Variants in KHDRBS2 observed in about 807,000 individuals in gnomAD.
KHDRBS2 encodes the protein KH domain-containing, RNA-binding, signal transduction-associated protein 2.
In KHDRBS2, 26 loss-of-function variants were observed where a neutral mutation model predicts 44.3. That is an observed-to-expected ratio of 0.59 (90% confidence interval 0.43 to 0.81). The LOEUF is 0.81. KHDRBS2 is among the 40% of genes least tolerant of loss of function. The pLI is 0.00. For missense variants in KHDRBS2, 476 were observed against 433.1 expected (o/e 1.10, Z -0.88); for synonymous variants, 194 against 151.1 (o/e 1.28, Z -2.08).
the KHDRBS2 span, among the ~76,000 whole-genome samples, chr6:61,597,749 TATATATATACA>T: frequency 1.9e-5 from 1 of 53,198 alleles, no homozygotes. Context: ...TATATATATA[TATATATATACA>T]TATATATATA....
At chr6:62,269,111 C>T (rs543213131) in intron 1 of KHDRBS2, among the ~76,000 whole-genome samples, 1 of 152,026 alleles carries the variant, frequency 6.6e-6, no homozygotes, top group African/African-American at 2.4e-5. Context: ...CTAGATGGGA[C>T]ATAAACCTAT....
chr6:62,067,951 G>A (rs575001184), intron 2 of KHDRBS2, among the ~76,000 whole-genome samples: 2 of 151,554 alleles, frequency 1.3e-5, no homozygotes, highest in South Asian at 4.2e-4. Flanking sequence ...ATTTAACAGC[G>A]GACACTTGAG....
chr6:62,193,172 C>T lies in KHDRBS2; in HGVS notation c.92-15860G>A, dbSNP rs1256662593. Among the ~76,000 whole-genome samples the T allele has an allele frequency of 2.0e-5, 3 of 151,974 alleles. No individual in the cohort carries two copies. The South Asian group carries it at 6.2e-4, about 32-fold the overall frequency. On this transcript the variant is annotated intron_variant, in intron 1 of 8. Transcript: ENST00000281156. ...GTATATCTCTATATGTATAGATATA[C>T]ACAGTATACACATTTATATTTATAT... is the stretch of plus-strand genomic sequence containing the variant.
At chr6:62,085,488 G>C (rs1237404422) in intron 2 of KHDRBS2, among the ~76,000 whole-genome samples, 1 of 151,996 alleles carries the variant, frequency 6.6e-6, no homozygotes, top group Admixed American at 6.6e-5. Context: ...AAAGGAAAAG[G>C]CAACAGGAAA....
At chr6:61,833,480 A>G (rs188216360) in intron 6 of KHDRBS2, among the ~76,000 whole-genome samples, 1 of 152,262 alleles carries the variant, frequency 6.6e-6, no homozygotes, top group East Asian at 1.9e-4. Context: ...TTCAGCTTCT[A>G]TCATATATTC....
In KHDRBS2 at chr6:62,074,903, C is replaced by T. The variant is rs563156157; in HGVS notation, c.220-26909G>A. Among the ~76,000 whole-genome samples the T allele has an allele frequency of 4.6e-5, 7 of 151,958 alleles. No homozygotes were observed. The South Asian group carries it at 1.5e-3, about 32-fold the overall frequency. ...GTATTATGCAAACTATGACAATTTT[C>T]CTGTTTAATGTCCCTACAGTTTTTG... On this transcript the variant is annotated intron_variant, in intron 2 of 8. Transcript: ENST00000281156.
intron 2 of KHDRBS2, among the ~76,000 whole-genome samples, chr6:62,104,902 G>C (rs1436687925): frequency 6.6e-6 from 1 of 152,020 alleles, no homozygotes; most frequent in South Asian, 2.1e-4. Flanking sequence ...TGTGAGACTT[G>C]TAATGAAAGA....
At chr6:62,065,790 AAAAG>A (rs1444863152) in intron 2 of KHDRBS2, among the ~76,000 whole-genome samples, 3 of 152,096 alleles carry the variant, frequency 2.0e-5, no homozygotes, top group African/African-American at 4.8e-5. Context: ...TAAAAAAAAA[AAAAG>A]AATGATCCAT....
intron 2 of KHDRBS2, among the ~76,000 whole-genome samples, chr6:62,118,364 C>T (rs1033425102): frequency 6.6e-6 from 1 of 152,060 alleles, no homozygotes; most frequent in Non-Finnish European, 1.5e-5. Context: ...CTCAAGATTG[C>T]TTTGGCTATT....
chr6:62,086,012 G>A (rs1487377968), intron 2 of KHDRBS2, among the ~76,000 whole-genome samples: 1 of 152,080 alleles, frequency 6.6e-6, no homozygotes, highest in Non-Finnish European at 1.5e-5. Flanking sequence ...ATTTGCTATG[G>A]AGAATCTGAA....
intron 3 of KHDRBS2, among the ~76,000 whole-genome samples, chr6:62,013,784 T>G (rs1299827512): frequency 6.6e-6 from 1 of 152,174 alleles, no homozygotes; most frequent in Non-Finnish European, 1.5e-5. Context: ...ATTCCCACAG[T>G]ATCACCATTA....
At chr6:61,994,449 A>T (rs1584031725) in intron 3 of KHDRBS2, among the ~76,000 whole-genome samples, 1 of 152,184 alleles carries the variant, frequency 6.6e-6, no homozygotes, top group African/African-American at 2.4e-5. Context: ...TCTGCCTGAA[A>T]CATAAGGATC....
chr6:62,157,701 C>G (rs1284373595), intron 2 of KHDRBS2, among the ~76,000 whole-genome samples: 1 of 151,994 alleles, frequency 6.6e-6, no homozygotes, highest in African/African-American at 2.4e-5. Flanking sequence ...GTAGATTATT[C>G]ATTTTCCAAT....
At chr6:61,771,078 G>T (rs1188727380) in intron 6 of KHDRBS2, among the ~76,000 whole-genome samples, 1 of 152,026 alleles carries the variant, frequency 6.6e-6, no homozygotes. Flanking sequence ...TTCATATCCA[G>T]CCAAACTAAG....
the KHDRBS2 span, among the ~76,000 whole-genome samples, chr6:61,622,691 C>A: frequency 1.3e-5 from 2 of 152,046 alleles, no homozygotes; most frequent in Non-Finnish European, 2.9e-5. Context: ...CTGAGTTTCC[C>A]CGGCAGGAAG....
intron 6 of KHDRBS2, chr6:61,817,145 T>C (rs1789091559): frequency 3.1e-6 from 1 of 320,404 alleles, no homozygotes; most frequent in South Asian, 2.6e-5. Flanking sequence ...CACTGAATGA[T>C]GACTCAATTC....
At chr6:61,824,166 T>C (rs1451534244) in intron 6 of KHDRBS2, among the ~76,000 whole-genome samples, 2 of 152,122 alleles carry the variant, frequency 1.3e-5, no homozygotes, top group Admixed American at 6.6e-5. Context: ...TTATTCATCT[T>C]GTCTAGTCAA....
chr6:62,105,434 G>A (rs80119948), intron 2 of KHDRBS2, among the ~76,000 whole-genome samples: 1 of 152,078 alleles, frequency 6.6e-6, no homozygotes, highest in Non-Finnish European at 1.5e-5. Context: ...GTAAGCTATT[G>A]ATTATTGCCA....
chr6:62,043,323 T>C (rs370970006), intron 3 of KHDRBS2, among the ~76,000 whole-genome samples: 48 of 152,104 alleles, frequency 3.2e-4, no homozygotes, highest in African/African-American at 1.1e-3. Context: ...AGCAGCTTTG[T>C]GGTTGTTTAG....
Sources: allele counts gnomAD v4.1 joint callset (sites outside exome capture counted in the v4.1 genomes callset), GRCh38; gene constraint gnomAD v4.1.1; transcripts MANE v1.5; gene names NCBI Gene and HGNC (gene_info 2026-07-23, HGNC 2026-07-21).